Variants in EYA1 observed in about 807,000 individuals in gnomAD.
The protein encoded by EYA1 is EYA transcriptional coactivator and phosphatase 1, also known as protein phosphatase EYA1.
A neutral mutation model predicts 82.0 loss-of-function variants in EYA1; 16 were observed. The ratio of observed to expected loss-of-function variants is 0.20; its 90% CI spans 0.13 to 0.30. EYA1 has a LOEUF of 0.30. Among genes scored for constraint, EYA1 ranks in the 10% least tolerant of loss-of-function variants. The pLI is 1.00. For missense variants in EYA1, 633 were observed against 730.7 expected (o/e 0.87, Z 1.54); for synonymous variants, 261 against 264.4 (o/e 0.99, Z 0.12).
intron 2 of EYA1, among the ~76,000 whole-genome samples, chr8:71,427,054 A>G (rs191142274): frequency 6.6e-6 from 1 of 152,348 alleles, no homozygotes; most frequent in African/African-American, 2.4e-5. Flanking sequence ...TTTCTAACAG[A>G]GTATGAAGCT....
At chr8:71,463,587 CTCTCTCTCTCTCTCT>C (rs1563639977) in intron 2 of EYA1, among the ~76,000 whole-genome samples, 8 of 36,504 alleles carry the variant, frequency 2.2e-4, no homozygotes, top group African/African-American at 3.1e-4. Flanking sequence ...CTCTCTCTCT[CTCTCTCTCTCTCTCT>C]CTCTCTCTCT....
At chr8:71,435,632 T>A (rs927853633) in intron 2 of EYA1, among the ~76,000 whole-genome samples, 5 of 152,084 alleles carry the variant, frequency 3.3e-5, no homozygotes, top group African/African-American at 1.2e-4. Context: ...CTATGGTATT[T>A]CCCATGCTGC....
At chr8:71,279,152 G>A (rs1458166164) in intron 9 of EYA1, among the ~76,000 whole-genome samples, 1 of 152,188 alleles carries the variant, frequency 6.6e-6, no homozygotes, top group Non-Finnish European at 1.5e-5. Context: ...TCTGAATTTA[G>A]TGAACATGAG....
intron 12 of EYA1, among the ~76,000 whole-genome samples, chr8:71,231,574 T>A (rs1250845163): frequency 6.6e-6 from 1 of 152,210 alleles, no homozygotes; most frequent in Non-Finnish European, 1.5e-5. Flanking sequence ...GACATCTCCA[T>A]CATTGCTGTG....
At chr8:71,208,089 T>C (rs1808041099) in intron 17 of EYA1, among the ~76,000 whole-genome samples, 2 of 152,208 alleles carry the variant, frequency 1.3e-5, no homozygotes, top group South Asian at 4.1e-4. Context: ...ATTTAGGAAC[T>C]GTCTATAGAT....
intron 9 of EYA1, among the ~76,000 whole-genome samples, chr8:71,286,010 AG>A (rs1219219640): frequency 6.6e-6 from 1 of 152,194 alleles, no homozygotes; most frequent in Non-Finnish European, 1.5e-5. Context: ...GTGGATCAGA[AG>A]GGGAAAATGG....
intron 2 of EYA1, chr8:71,403,447 C>T (rs1029982115): frequency 6.6e-6 from 1 of 152,122 alleles, no homozygotes; most frequent in African/African-American, 2.4e-5. Flanking sequence ...ATATTGGAAA[C>T]ATGAGTTGGC....
At chr8:71,486,219 C>T (rs140772665) in intron 2 of EYA1, among the ~76,000 whole-genome samples, 2 of 152,026 alleles carry the variant, frequency 1.3e-5, no homozygotes, top group South Asian at 2.1e-4. Context: ...AAGCACTATG[C>T]AACCACTGTG....
At chr8:71,513,841 G>A (rs571828522) in intron 2 of EYA1, among the ~76,000 whole-genome samples, 14 of 152,038 alleles carry the variant, frequency 9.2e-5, no homozygotes, top group Non-Finnish European at 2.1e-4. Context: ...ATGAGAACAT[G>A]CGATGCTTTT....
intron 2 of EYA1, among the ~76,000 whole-genome samples, chr8:71,461,864 G>A (rs1279435786): frequency 1.3e-5 from 2 of 152,088 alleles, no homozygotes; most frequent in Non-Finnish European, 2.9e-5. Flanking sequence ...AGAGAGAGTA[G>A]CTCCTCTCTG....
chr8:71,344,274 C>T (rs1405570480), intron 3 of EYA1, among the ~76,000 whole-genome samples: 1 of 151,784 alleles, frequency 6.6e-6, no homozygotes, highest in East Asian at 1.9e-4. Context: ...AAGCATGGCA[C>T]AACAGTATGA....
rs114114075 is a variant in EYA1 at position 71,274,282 on chromosome 8, T to C, written c.827-2385A>G. Reference sequence around the variant, plus strand: ...AGATGAAAATAAAAGTGATGCAAGCTAGTTATTTTTCAAAATCCCTTCCTT... The same window carrying C: ...AGATGAAAATAAAAGTGATGCAAGCCAGTTATTTTTCAAAATCCCTTCCTT... On this transcript the variant is annotated intron_variant, in intron 9 of 17. Transcript: ENST00000340726. 6.0e-3 allele frequency among the ~76,000 whole-genome samples: 917 copies of C among 152,338 alleles called. 10 individuals are homozygous for C. Among genetic ancestry groups the C allele is most frequent in the African/African-American group, 0.021 (879 of 41,580 alleles).
At chr8:71,354,966 T>C (rs891641882) in intron 2 of EYA1, 57 bp from the exon 3 acceptor site, 2 of 1,545,980 alleles carry the variant, frequency 1.3e-6, no homozygotes, top group Non-Finnish European at 1.8e-6. Context: ...CACCACCATT[T>C]AATGCGCTAA....
chr8:71,311,327 G>T (rs771731007), intron 7 of EYA1, among the ~76,000 whole-genome samples: 7 of 152,210 alleles, frequency 4.6e-5, no homozygotes, highest in African/African-American at 1.7e-4. Context: ...ATCAGAGGCC[G>T]AAGCTGCTTC....
chr8:71,314,012 A>G lies in EYA1; in HGVS notation c.556+3540T>C, dbSNP rs1821634017. Among the ~76,000 whole-genome samples, 4 of 152,304 alleles carry G rather than the reference A, an allele frequency of 2.6e-5. No homozygotes were observed. The South Asian group carries it at 8.3e-4, about 32-fold the overall frequency. ...TCATACCTTATATTTTTAAAGTTGA[A>G]AAGATTTCCCGGAAATAAAGCTAGG... On this transcript the variant is annotated intron_variant, in intron 7 of 17. Transcript: ENST00000340726.
At chr8:71,514,691 ATGGG>A (rs1812838692) in intron 2 of EYA1, among the ~76,000 whole-genome samples, 1 of 152,146 alleles carries the variant, frequency 6.6e-6, no homozygotes, top group Non-Finnish European at 1.5e-5. Flanking sequence ...CACAGGAAAG[ATGGG>A]CCCCCATGAT....
chr8:71,307,415 G>A (rs753851578), intron 7 of EYA1, among the ~76,000 whole-genome samples: 7 of 151,974 alleles, frequency 4.6e-5, no homozygotes, highest in Admixed American at 2.6e-4. Flanking sequence ...AGCGACTCTC[G>A]TGCCTCAGCC....
At chr8:71,246,807 G>A (rs926371332) in intron 11 of EYA1, among the ~76,000 whole-genome samples, 9 of 152,210 alleles carry the variant, frequency 5.9e-5, no homozygotes, top group East Asian at 1.9e-4. Flanking sequence ...AGATGGGAGC[G>A]GAGCCTTGCT....
intron 11 of EYA1, among the ~76,000 whole-genome samples, chr8:71,250,039 T>TC (rs1254458154): frequency 6.8e-6 from 1 of 147,272 alleles, no homozygotes; most frequent in East Asian, 2.0e-4. Flanking sequence ...GCTTTCTTGT[T>TC]TTTTTTTTTT....
Sources: allele counts gnomAD v4.1 joint callset (sites outside exome capture counted in the v4.1 genomes callset), GRCh38; gene constraint gnomAD v4.1.1; transcripts MANE v1.5; gene names NCBI Gene and HGNC (gene_info 2026-07-23, HGNC 2026-07-21).